The following CCDC138 variants were observed in gnomAD, a reference collection of about 807,000 sequenced individuals.
CCDC138 encodes coiled-coil domain-containing protein 138.
Under a neutral mutation model 82.3 loss-of-function variants are expected in CCDC138, and 66 were observed. The observed-to-expected ratio is 0.80, with a 90% CI of 0.66 to 0.98. The LOEUF (loss-of-function observed/expected upper bound fraction) is 0.98, where lower values mean the gene tolerates loss of function less well. CCDC138 is among the 50% of genes least tolerant of loss of function. CCDC138 has a pLI of 0.00. For missense variants in CCDC138, 816 were observed against 758.9 expected, an observed-to-expected ratio of 1.08 and a Z score of -0.88; for synonymous variants, 297 against 265.4, an observed-to-expected ratio of 1.12 and a Z score of -1.16.
chr2:108,853,641 C>T (rs76045415), intron 12 of CCDC138, among the ~76,000 whole-genome samples: 3,291 of 150,078 alleles, frequency 0.022, 118 homozygotes, highest in South Asian at 0.086. Flanking sequence ...GTCCTCTTGC[C>T]TCAGGCTTCC....
intron 12 of CCDC138, among the ~76,000 whole-genome samples, chr2:108,853,934 T>A (rs1168046780): frequency 1.1e-4 from 13 of 122,844 alleles, no homozygotes; most frequent in African/African-American, 3.8e-4. Flanking sequence ...TATATATAAT[T>A]TATATATAAT....
At chr2:108,868,331 A>G (rs1281288645) in intron 13 of CCDC138, among the ~76,000 whole-genome samples, 1 of 152,200 alleles carries the variant, frequency 6.6e-6, no homozygotes, top group Non-Finnish European at 1.5e-5. Flanking sequence ...GAGATTGGTT[A>G]TGTCTTCAGG....
intron 7 of CCDC138, among the ~76,000 whole-genome samples, chr2:108,809,397 A>C (rs1683392657): frequency 6.7e-6 from 1 of 150,126 alleles, no homozygotes; most frequent in Non-Finnish European, 1.5e-5. Flanking sequence ...TCTGTAGATG[A>C]CTTTGGTTAT....
At position 108,812,673 on chromosome 2, in the gene CCDC138, G is replaced by C. The variant is rs1197074936; in HGVS notation, c.898G>C (p.Ala300Pro). ...SEENRKIDIQ[A>P]KRVQARLDNL... ...AGAAAACAGGAAGATAGACATTCAG[G>C]CTAAAAGAGTTCAAGCTCGTTTAGA... The change falls in exon 8 of 15, where the codon GCT becomes CCT. Residue 300 changes from alanine to proline, a missense_variant. By Grantham distance (27) the Ala-to-Pro change is conservative. Coordinates refer to ENST00000295124, the MANE Select transcript of CCDC138 (RefSeq NM_144978.3). 4 of 1,612,942 alleles carry C rather than the reference G, an allele frequency of 2.5e-6. No individual in the cohort carries two copies. The highest frequency in any genetic ancestry group is 3.4e-6 in the Non-Finnish European group (4 of 1,179,024).
intron 13 of CCDC138, among the ~76,000 whole-genome samples, chr2:108,861,294 G>A (rs1049437950): frequency 6.6e-6 from 1 of 151,100 alleles, no homozygotes; most frequent in East Asian, 1.9e-4. Context: ...TCATTTCGTC[G>A]ATCCTTATAT....
chr2:108,788,089 G>A lies in CCDC138; in HGVS notation c.151G>A (p.Gly51Ser), dbSNP rs755784891. The A allele has an allele frequency of 2.5e-6, 4 of 1,601,554 alleles. No homozygotes were observed. The highest frequency in any genetic ancestry group is 3.5e-5 in the Admixed American group (2 of 57,418). The change falls in exon 2 of 15, where the codon GGT becomes AGT. Residue 51 changes from glycine to serine, a missense_variant and splice_region_variant. Coordinates refer to ENST00000295124, the MANE Select transcript of CCDC138 (RefSeq NM_144978.3). The part of the protein sequence containing the change: ...KYKRRTLTSP[G>S]DLDIYSGDKV... ...TAAGAGAAGAACTCTAACCTCCCCA[G>A]GTAAGCCGGTATTTTGTATATTTGG...
chr2:108,831,350 A>G (rs1687575491), intron 10 of CCDC138, among the ~76,000 whole-genome samples: 2 of 152,204 alleles, frequency 1.3e-5, no homozygotes, highest in Admixed American at 1.3e-4. Flanking sequence ...ATGAATGAGG[A>G]CCATTGTTAC....
chr2:108,845,775 G>A (rs1690348586), intron 11 of CCDC138, among the ~76,000 whole-genome samples: 1 of 152,090 alleles, frequency 6.6e-6, no homozygotes, highest in Non-Finnish European at 1.5e-5. Context: ...GTTTCACCAT[G>A]TTAGCCAGGA....
At chr2:108,793,193 TA>T (rs370487338) in intron 4 of CCDC138, among the ~76,000 whole-genome samples, 39,011 of 145,850 alleles carry the variant, frequency 0.27, 5,380 homozygotes, top group African/African-American at 0.36. Context: ...CTGTCTCTAC[TA>T]AAAAAAAAAA....
intron 10 of CCDC138, among the ~76,000 whole-genome samples, chr2:108,821,953 C>G (rs1302622186): frequency 6.6e-6 from 1 of 151,502 alleles, no homozygotes; most frequent in Non-Finnish European, 1.5e-5. Context: ...AAAGTATGTC[C>G]TTCCTTTATC....
intron 9 of CCDC138, among the ~76,000 whole-genome samples, chr2:108,815,473 T>TTG (rs1553410567): frequency 0.012 from 1,610 of 138,268 alleles, 44 homozygotes; most frequent in African/African-American, 0.043. Flanking sequence ...TTTTTTTTTT[T>TTG]TTTTTTTTTT....
chr2:108,853,978 T>A (rs533531394), intron 12 of CCDC138, among the ~76,000 whole-genome samples: 5 of 12,764 alleles, frequency 3.9e-4, no homozygotes, highest in African/African-American at 6.7e-4. Flanking sequence ...ATATATATAA[T>A]ATATAATATA....
chr2:108,869,992 G>T (rs996986315), intron 13 of CCDC138, among the ~76,000 whole-genome samples: 1 of 152,148 alleles, frequency 6.6e-6, no homozygotes, highest in Non-Finnish European at 1.5e-5. Flanking sequence ...GCTCAGAAAA[G>T]ACTTTAAAAC....
chr2:108,839,211 A>G lies in CCDC138; in HGVS notation c.1233A>G (p.Leu411=). The change falls in exon 11 of 15, where the codon CTA becomes CTG. Residue 411 remains leucine, a synonymous_variant. Coordinates refer to ENST00000295124, the MANE Select transcript of CCDC138 (RefSeq NM_144978.3). The part of the protein sequence containing the change: ...VKLLPLMTEQ[L]QWMPFVNIKL... Reference sequence around the variant, plus strand: ...TTTTGCCTCTAATGACAGAGCAGCTACAGTGGATGCCATTTGTGAATATCA... The same window carrying G: ...TTTTGCCTCTAATGACAGAGCAGCTGCAGTGGATGCCATTTGTGAATATCA... The G allele has an allele frequency of 6.2e-7, 1 of 1,612,048 alleles. No individual in the cohort carries two copies. Among genetic ancestry groups the G allele is most frequent in the Non-Finnish European group, 8.5e-7 (1 of 1,178,842 alleles).
downstream of CCDC138, among the ~76,000 whole-genome samples, chr2:108,880,570 G>A (rs183411834): frequency 3.3e-5 from 5 of 152,222 alleles, no homozygotes; most frequent in Non-Finnish European, 5.9e-5. Context: ...TAATGGAGCT[G>A]GTGACTTTGA....
At chr2:108,827,521 A>G (rs575557934) in intron 10 of CCDC138, among the ~76,000 whole-genome samples, 2 of 152,226 alleles carry the variant, frequency 1.3e-5, no homozygotes, top group Non-Finnish European at 2.9e-5. Flanking sequence ...AAATGTAACA[A>G]TAAAAATGAT....
rs1321675108 is a variant in CCDC138 at position 108,871,365 on chromosome 2, T to C, written c.1694-2086T>C. Among the ~76,000 whole-genome samples, 547 of 73,432 alleles carry C rather than the reference T, an allele frequency of 7.4e-3. 5 individuals carry two copies. Among genetic ancestry groups the C allele is most frequent in the Middle Eastern group, 0.052 (6 of 116 alleles). The allele number at this position is 73,432 out of a possible 152,430, so 48.2% of individuals were successfully genotyped here. On this transcript the variant is annotated intron_variant, in intron 13 of 14. Coordinates refer to ENST00000295124, the MANE Select transcript of CCDC138 (RefSeq NM_144978.3). ...CTGGCCAACATGATGAAACCCCAAC[T>C]CTATTAAAAAAAAAAAAAAAAAAAA...
At chr2:108,805,568 A>G (rs1208507478) in intron 7 of CCDC138, among the ~76,000 whole-genome samples, 1 of 51,474 alleles carries the variant, frequency 1.9e-5, no homozygotes, top group Non-Finnish European at 4.7e-5. Flanking sequence ...TACCAAAAAT[A>G]CAAAAAAAAA....
intron 14 of CCDC138, among the ~76,000 whole-genome samples, chr2:108,874,922 A>ATT (rs11452939): frequency 4.6e-4 from 68 of 147,262 alleles, no homozygotes; most frequent in South Asian, 1.1e-3. Context: ...AATTCATGGG[A>ATT]TTTTTTTTTT....
Sources: gnomAD v4.1 joint callset for allele counts (sites outside exome capture counted in the v4.1 genomes callset) on GRCh38, gnomAD v4.1.1 for gene constraint, MANE v1.5 for transcripts, NCBI Gene and HGNC (gene_info 2026-07-23, HGNC 2026-07-21) for gene names.